The following PDE11A variants were observed in gnomAD, a reference collection of about 807,000 sequenced individuals.
The protein encoded by PDE11A is dual 3',5'-cyclic-AMP and -GMP phosphodiesterase 11A.
A neutral mutation model predicts 100.5 loss-of-function variants in PDE11A; 100 were observed. That is an observed-to-expected ratio of 1.00 (90% CI 0.85 to 1.18). The LOEUF is 1.18. PDE11A is among the 50% of genes most tolerant of loss of function. The pLI is 0.00. For synonymous variants in PDE11A, 381 were observed against 420.8 expected (o/e 0.91, Z 1.16); for missense variants, 1,141 against 1,152.6 (o/e 0.99, Z 0.15).
intron 1 of PDE11A, among the ~76,000 whole-genome samples, chr2:178,046,052 C>T (rs2086746399): frequency 6.6e-6 from 1 of 152,174 alleles, no homozygotes; most frequent in African/African-American, 2.4e-5. Flanking sequence ...AGTTACTAAA[C>T]CTATTCAAGT....
At chr2:177,669,803 T>A (rs2080649698) in intron 17 of PDE11A, among the ~76,000 whole-genome samples, 1 of 152,206 alleles carries the variant, frequency 6.6e-6, no homozygotes, top group African/African-American at 2.4e-5. Context: ...CAACAGGCAA[T>A]CTGCCACAGT....
chr2:178,060,078 T>G (rs889797445), intron 1 of PDE11A, among the ~76,000 whole-genome samples: 2 of 152,218 alleles, frequency 1.3e-5, no homozygotes, highest in African/African-American at 4.8e-5. Flanking sequence ...TTTCTCTGTC[T>G]CTTCCCTCAT....
At chr2:177,946,802 G>T (rs1574300151) in intron 2 of PDE11A, among the ~76,000 whole-genome samples, 1 of 91,656 alleles carries the variant, frequency 1.1e-5, no homozygotes, top group Non-Finnish European at 2.3e-5. Flanking sequence ...TCAGCCCCCC[G>T]CCCGGCCAGC....
intron 15 of PDE11A, among the ~76,000 whole-genome samples, chr2:177,693,146 G>A (rs1574050531): frequency 6.6e-6 from 1 of 152,196 alleles, no homozygotes. Context: ...TATCCTCTTG[G>A]CTCACCCACC....
At chr2:178,074,096 A>G (rs543018776), upstream of PDE11A, among the ~76,000 whole-genome samples, 37 of 152,348 alleles carry the variant, frequency 2.4e-4, no homozygotes, top group African/African-American at 7.9e-4. Context: ...GCTTAAAAAC[A>G]TCATGCAAAA....
intron 6 of PDE11A, among the ~76,000 whole-genome samples, chr2:177,838,364 T>C (rs760762765): frequency 3.4e-5 from 5 of 146,036 alleles, no homozygotes; most frequent in Non-Finnish European, 6.2e-5. Flanking sequence ...ATGTGTTATG[T>C]GTGTTATGTT....
chr2:177,873,031 A>G (rs529036932), intron 5 of PDE11A, among the ~76,000 whole-genome samples: 1 of 152,346 alleles, frequency 6.6e-6, no homozygotes, highest in Admixed American at 6.5e-5. Flanking sequence ...CTCTTTAAAG[A>G]AAACCTGACC....
rs142817867 is a variant in PDE11A at position 178,085,952 on chromosome 2, C to T, written c.162+18350G>A. 1.4e-3 allele frequency among the ~76,000 whole-genome samples: 220 copies of T among 152,260 alleles called. 2 individuals are homozygous for T. The highest frequency in any genetic ancestry group is 5.1e-3 in the African/African-American group (212 of 41,568). On this transcript the variant is annotated intron_variant, in intron 2 of 20. Coordinates refer to the PDE11A transcript ENST00000358450. Reference sequence around the variant, plus strand: ...GTTGTGCTATCAAAAGTACCACTATCCTAGGTTTTTAAAAGACTGTAACTT... The same window carrying T: ...GTTGTGCTATCAAAAGTACCACTATTCTAGGTTTTTAAAAGACTGTAACTT...
At chr2:177,960,147 T>C (rs968438065) in intron 2 of PDE11A, among the ~76,000 whole-genome samples, 3 of 152,110 alleles carry the variant, frequency 2.0e-5, no homozygotes, top group Admixed American at 2.0e-4. Flanking sequence ...AAGTTTCCAT[T>C]ATCTTTTTCA....
intron 6 of PDE11A, among the ~76,000 whole-genome samples, chr2:177,825,676 A>G (rs2083217069): frequency 6.6e-6 from 1 of 152,198 alleles, no homozygotes; most frequent in African/African-American, 2.4e-5. Flanking sequence ...AGCAAGTATG[A>G]AGGAAAGAAT....
Position 177,701,114 on chromosome 2 carries a change from C to A in PDE11A, c.2244+7G>T. 6.7e-7 allele frequency: 1 copy of A among 1,490,072 alleles called. No individual in the cohort carries two copies. Among genetic ancestry groups the A allele is most frequent in the Non-Finnish European group, 9.4e-7 (1 of 1,066,728 alleles). 92.3% of individuals were successfully genotyped at this position (1,490,072 alleles called of 1,614,324 possible). ...TTAAGGGGAGAAGCAGAACATCAGGCCTGTACCTCACTTTGAAGGATCATC... is the reference window on the plus strand; with the variant it reads ...TTAAGGGGAGAAGCAGAACATCAGGACTGTACCTCACTTTGAAGGATCATC... On this transcript the variant is annotated splice_region_variant and intron_variant, in intron 14 of 19. Transcript: ENST00000286063.
chr2:178,063,882 A>G (rs575795676), intron 1 of PDE11A, among the ~76,000 whole-genome samples: 2 of 152,226 alleles, frequency 1.3e-5, no homozygotes, highest in Non-Finnish European at 2.9e-5. Context: ...TAGTCAATAC[A>G]GGTACTACCA....
intron 1 of PDE11A, among the ~76,000 whole-genome samples, chr2:178,041,134 C>T (rs2086678076): frequency 6.6e-6 from 1 of 151,974 alleles, no homozygotes; most frequent in African/African-American, 2.4e-5. Flanking sequence ...GATACGAGGT[C>T]TCGCTATGCT....
At chr2:177,934,574 T>C (rs1255611669) in intron 2 of PDE11A, among the ~76,000 whole-genome samples, 1 of 152,232 alleles carries the variant, frequency 6.6e-6, no homozygotes, top group Non-Finnish European at 1.5e-5. Context: ...GAAAGCAGTT[T>C]AGAGATTTCT....
chr2:177,730,412 T>TTCC (rs1298136577), intron 10 of PDE11A, among the ~76,000 whole-genome samples: 3 of 152,198 alleles, frequency 2.0e-5, no homozygotes, highest in East Asian at 3.8e-4. Context: ...TGAAGATCTC[T>TTCC]TCCTCTCTTT....
intron 16 of PDE11A, chr2:177,677,768 T>C (rs2080801460): frequency 6.6e-6 from 1 of 152,182 alleles, no homozygotes; most frequent in South Asian, 2.1e-4. Flanking sequence ...ATTAAGGCTC[T>C]TCAAGAAGTG....
chr2:177,706,368 GA>G (rs2081279887), intron 13 of PDE11A, among the ~76,000 whole-genome samples: 2 of 152,194 alleles, frequency 1.3e-5, no homozygotes, highest in South Asian at 4.1e-4. Context: ...AGCACTTTAA[GA>G]GAAGGGATGT....
At chr2:178,080,587 C>T (rs997820987) in intron 2 of PDE11A, among the ~76,000 whole-genome samples, 5 of 152,132 alleles carry the variant, frequency 3.3e-5, no homozygotes, top group Non-Finnish European at 5.9e-5. Flanking sequence ...AAATATTAAG[C>T]ACTGATGCCT....
intron 2 of PDE11A, among the ~76,000 whole-genome samples, chr2:177,947,617 A>T (rs2085459472): frequency 6.6e-6 from 1 of 151,798 alleles, no homozygotes; most frequent in Admixed American, 6.6e-5. Context: ...GTAATCAGGG[A>T]CACAAACACT....
Sources: gnomAD v4.1 joint callset for allele counts (sites outside exome capture counted in the v4.1 genomes callset) on GRCh38, gnomAD v4.1.1 for gene constraint, MANE v1.5 for transcripts, NCBI Gene and HGNC (gene_info 2026-07-23, HGNC 2026-07-21) for gene names.